ZNRF1: variants seen among roughly 807,000 people sequenced by gnomAD.
ZNRF1 encodes E3 ubiquitin-protein ligase ZNRF1.
In ZNRF1, 3 loss-of-function variants were observed where a neutral mutation model predicts 18.4. That is an observed-to-expected ratio of 0.16 (90% CI 0.07 to 0.42). The LOEUF (loss-of-function observed/expected upper bound fraction) is 0.42. Among genes scored for constraint, ZNRF1 ranks in the 10% least tolerant of loss-of-function variants. The pLI is 0.99. For missense variants in ZNRF1, 310 were observed against 329.8 expected, an observed-to-expected ratio of 0.94 and a Z score of 0.47; for synonymous variants, 157 against 144.2, an observed-to-expected ratio of 1.09 and a Z score of -0.64.
chr16:75,045,058 A>G (rs535386882), intron 1 of ZNRF1, among the ~76,000 whole-genome samples: 1 of 152,194 alleles, frequency 6.6e-6, no homozygotes, highest in South Asian at 2.1e-4. Flanking sequence ...TCGTCTTAGG[A>G]TCTTCTGGCA....
At chr16:75,104,726 C>A in intron 2 of ZNRF1, 58 bp from the exon 3 acceptor site, 2 of 1,481,414 alleles carry the variant, frequency 1.4e-6, no homozygotes, top group South Asian at 1.2e-5. Flanking sequence ...TTGCTTGCCC[C>A]ATGCCACCTG....
chr16:75,062,874 C>T (rs550619247), intron 1 of ZNRF1, among the ~76,000 whole-genome samples: 1 of 152,216 alleles, frequency 6.6e-6, no homozygotes, highest in African/African-American at 2.4e-5. Context: ...TCAGTTCTGA[C>T]AATATTATAG....
intron 2 of ZNRF1, among the ~76,000 whole-genome samples, chr16:75,096,524 C>G (rs62059201): frequency 0.026 from 3,915 of 152,212 alleles, 62 homozygotes; most frequent in Non-Finnish European, 0.04. Flanking sequence ...ACTTAAGAGT[C>G]AGAGGTGTGA....
At chr16:75,037,950 G>T (rs1307953579) in intron 1 of ZNRF1, among the ~76,000 whole-genome samples, 1 of 152,148 alleles carries the variant, frequency 6.6e-6, no homozygotes, top group African/African-American at 2.4e-5. Context: ...GATCTTGCTT[G>T]TGAACACTTA....
At chr16:75,046,202 C>T (rs1386600612) in intron 1 of ZNRF1, among the ~76,000 whole-genome samples, 2 of 151,926 alleles carry the variant, frequency 1.3e-5, no homozygotes, top group Non-Finnish European at 2.9e-5. Flanking sequence ...CCACCGCGCC[C>T]AGCCAAATGT....
At position 75,094,913 on chromosome 16, in the gene ZNRF1, C is replaced by G. The variant is rs374960129; in HGVS notation, c.520+1246C>G. 2.6e-5 allele frequency among the ~76,000 whole-genome samples: 4 copies of G among 152,148 alleles called. No individual in the cohort carries two copies. The East Asian group carries it at 7.7e-4, about 29-fold the overall frequency. ...CATAGTAGTGGTTGGAAAAAGAGTT[C>G]TGGGATTTCTGAGAGCATCTGAGGA... On this transcript the variant is annotated intron_variant, in intron 2 of 4. Coordinates refer to ENST00000335325, the MANE Select transcript of ZNRF1 (RefSeq NM_032268.5).
intron 1 of ZNRF1, among the ~76,000 whole-genome samples, chr16:75,055,799 G>T (rs1207877809): frequency 1.3e-5 from 2 of 152,160 alleles, no homozygotes; most frequent in African/African-American, 4.8e-5. Flanking sequence ...AGTCTTGTGG[G>T]GGTAGTTATT....
At chr16:75,048,692 A>G (rs1450996845) in intron 1 of ZNRF1, among the ~76,000 whole-genome samples, 1 of 152,168 alleles carries the variant, frequency 6.6e-6, no homozygotes, top group Non-Finnish European at 1.5e-5. Context: ...GACTGCACAG[A>G]TGATGATGTG....
chr16:75,050,631 G>A (rs2035583451), intron 1 of ZNRF1, among the ~76,000 whole-genome samples: 1 of 151,966 alleles, frequency 6.6e-6, no homozygotes, highest in Admixed American at 6.6e-5. Flanking sequence ...CACTTTGGGA[G>A]GCCAAGGCGG....
At chr16:75,065,556 A>T (rs2035792501) in intron 1 of ZNRF1, among the ~76,000 whole-genome samples, 1 of 152,312 alleles carries the variant, frequency 6.6e-6, no homozygotes, top group Non-Finnish European at 1.5e-5. Flanking sequence ...TCACAAAATG[A>T]AACAATATAG....
At chr16:75,098,902 C>T (rs1391595103) in intron 2 of ZNRF1, among the ~76,000 whole-genome samples, 1 of 152,124 alleles carries the variant, frequency 6.6e-6, no homozygotes, top group African/African-American at 2.4e-5. Flanking sequence ...TCCAGGGTCT[C>T]TTGAGGATGT....
At position 75,020,143 on chromosome 16, in the gene ZNRF1, T is replaced by C. The variant is rs984585575; in HGVS notation, c.424+20048T>C. Among the ~76,000 whole-genome samples, 5 of 152,242 alleles carry C rather than the reference T, an allele frequency of 3.3e-5. No individual in the cohort carries two copies. In the South Asian group the frequency reaches 1.0e-3, roughly 31 times the overall value. On this transcript the variant is annotated intron_variant, in intron 1 of 4. Coordinates refer to ENST00000335325, the MANE Select transcript of ZNRF1 (RefSeq NM_032268.5). ...ATTTGAAGTTCTCTTTAGAATTGTT[T>C]CCTAGAGAATTGTAGAGAGCATCTT...
chr16:75,073,816 G>T (rs1313845705), intron 1 of ZNRF1, among the ~76,000 whole-genome samples: 1 of 152,062 alleles, frequency 6.6e-6, no homozygotes, highest in Non-Finnish European at 1.5e-5. Flanking sequence ...TGATTGACCT[G>T]TGTGAGGATT....
intron 1 of ZNRF1, among the ~76,000 whole-genome samples, chr16:75,017,276 A>G (rs1004175413): frequency 6.6e-5 from 10 of 152,236 alleles, no homozygotes; most frequent in African/African-American, 2.2e-4. Context: ...TTAGAATTAA[A>G]TTGAGTTTAT....
At chr16:75,020,791 C>G (rs2035136312) in intron 1 of ZNRF1, among the ~76,000 whole-genome samples, 1 of 152,168 alleles carries the variant, frequency 6.6e-6, no homozygotes, top group Non-Finnish European at 1.5e-5. Flanking sequence ...ATCCGCTGCC[C>G]TCGGCCTCCC....
At chr16:75,056,336 G>A (rs1225833659) in intron 1 of ZNRF1, among the ~76,000 whole-genome samples, 1 of 152,244 alleles carries the variant, frequency 6.6e-6, no homozygotes, top group Non-Finnish European at 1.5e-5. Flanking sequence ...AAAGGGTTGA[G>A]TATGGTGGAA....
At chr16:75,101,284 G>A (rs909985556) in intron 2 of ZNRF1, among the ~76,000 whole-genome samples, 3 of 152,192 alleles carry the variant, frequency 2.0e-5, no homozygotes, top group Non-Finnish European at 2.9e-5. Flanking sequence ...TGCTGGGCGC[G>A]GTGGCTCACG....
chr16:75,053,573 G>C (rs1449810776), intron 1 of ZNRF1, among the ~76,000 whole-genome samples: 1 of 135,514 alleles, frequency 7.4e-6, no homozygotes, highest in Non-Finnish European at 1.5e-5. Context: ...TTCTGTGACA[G>C]AGCGAGACTC....
intron 1 of ZNRF1, among the ~76,000 whole-genome samples, chr16:75,018,298 T>G (rs546045387): frequency 6.6e-6 from 1 of 152,256 alleles, no homozygotes; most frequent in Non-Finnish European, 1.5e-5. Context: ...TTTCTTGTTA[T>G]GCTCTTGTAG....
Sources: allele counts gnomAD v4.1 joint callset (sites outside exome capture counted in the v4.1 genomes callset), GRCh38; gene constraint gnomAD v4.1.1; transcripts MANE v1.5; gene names NCBI Gene and HGNC (gene_info 2026-07-23, HGNC 2026-07-21).